ATP1A2: variants seen among roughly 807,000 people sequenced by gnomAD.
The protein encoded by ATP1A2 is sodium/potassium-transporting ATPase subunit alpha-2.
In ATP1A2, 56 loss-of-function variants were observed where a neutral mutation model predicts 113.1. The ratio of observed to expected loss-of-function variants is 0.49; its 90% CI spans 0.40 to 0.62. The LOEUF is 0.62. Ranked by LOEUF, ATP1A2 falls within the 20% of genes least tolerant of loss-of-function variation. ATP1A2 has a pLI of 0.00. For synonymous variants in ATP1A2, 490 were observed against 526.8 expected (o/e 0.93, Z 0.96); for missense variants, 712 against 1,357.8 (o/e 0.52, Z 7.47).
chr1:160,131,566 G>A (rs957974932), intron 13 of ATP1A2, among the ~76,000 whole-genome samples: 3 of 152,186 alleles, frequency 2.0e-5, no homozygotes, highest in East Asian at 1.9e-4. Context: ...GCTCATGCCT[G>A]TAATCCCAGC....
chr1:160,121,167 A>C (rs775901594), intron 2 of ATP1A2, 25 bp from the exon 3 acceptor site: 3 of 1,613,874 alleles, frequency 1.9e-6, no homozygotes, highest in Non-Finnish European at 2.5e-6. Context: ...CTCCTCCCCA[A>C]AGTAACTCAC....
chr1:160,130,383 A>C, intron 12 of ATP1A2, 39 bp from the exon 13 acceptor site: 1 of 1,614,016 alleles, frequency 6.2e-7, no homozygotes. Context: ...CCAGGAAGCC[A>C]CTCTGCGGAT....
At chr1:160,136,816 G>C (rs1651968486) in intron 19 of ATP1A2, 85 bp from the exon 20 acceptor site, 8 of 1,614,100 alleles carry the variant, frequency 5.0e-6, no homozygotes, top group East Asian at 2.2e-5. Context: ...CTGGGGCTAG[G>C]GGTGGATCAG....
Position 160,127,568 on chromosome 1 carries a change from T to C in ATP1A2, c.765T>C (p.Ile255=), listed in dbSNP as rs377281050. The C allele has an allele frequency of 6.2e-7, 1 of 1,614,196 alleles. No individual in the cohort carries two copies. Among genetic ancestry groups the C allele is most frequent in the South Asian group, 1.1e-5 (1 of 91,084 alleles). Residue 255 remains isoleucine, a synonymous_variant, in exon 8 of 23, where the codon ATT becomes ATC. Transcript: ENST00000361216. ...ATGTTGCAGGCACTGCCAGGGGCATTGTGATTGCCACAGGAGACCGGACGG... is the reference window on the plus strand; with the variant it reads ...ATGTTGCAGGCACTGCCAGGGGCATCGTGATTGCCACAGGAGACCGGACGG... The part of the protein sequence containing the change: ...TNCVEGTARG[I]VIATGDRTVM...
intron 13 of ATP1A2, among the ~76,000 whole-genome samples, chr1:160,131,066 T>C (rs1651755774): frequency 6.6e-6 from 1 of 152,102 alleles, no homozygotes; most frequent in Admixed American, 6.5e-5. Flanking sequence ...CACTGACCAC[T>C]CCCTCCTCTG....
intron 6 of ATP1A2, 56 bp downstream of exon 6, chr1:160,124,486 A>C: frequency 6.4e-7 from 1 of 1,564,860 alleles, no homozygotes; most frequent in Non-Finnish European, 8.7e-7. Flanking sequence ...CTGTGTGCAG[A>C]GCTGAGAGGG....
At position 160,135,576 on chromosome 1, in the gene ATP1A2, C is replaced by T; in HGVS notation, c.2258C>T (p.Ala753Val). ...ATGATCCTGCTGGATGACAACTTTG[C>T]CTCCATCGTCACGGGGGTGGAGGAG... Reference protein sequence around the residue: ...ADMILLDDNFASIVTGVEEGR... With the variant: ...ADMILLDDNFVSIVTGVEEGR... Residue 753 changes from alanine (A) to valine (V), a missense_variant, in exon 16 of 23, where the codon GCC becomes GTC. Ala to Val is a moderately conservative substitution (Grantham distance 64). Around this residue, in one of 6 missense-constraint regions of ATP1A2, gnomAD observed 188 missense variants for 438.9 expected, o/e 0.43. Transcript: ENST00000361216. This position sits in a 1 kb window ranked among gnomAD's most constrained non-coding sequence, Gnocchi z 6.3. 6.2e-7 allele frequency: 1 copy of T among 1,614,118 alleles called. No individual in the cohort carries two copies.
intron 1 of ATP1A2, among the ~76,000 whole-genome samples, 172 bp downstream of exon 1, chr1:160,116,045 G>A (rs529270787): frequency 3.9e-5 from 6 of 152,154 alleles, no homozygotes; most frequent in African/African-American, 7.2e-5. Flanking sequence ...ATCCCACGGC[G>A]GTCACATACC....
chr1:160,124,438 G>T lies in ATP1A2; in HGVS notation c.630+8G>T. On this transcript the variant is annotated splice_region_variant and intron_variant, in intron 6 of 22. Coordinates refer to ENST00000361216, the MANE Select transcript of ATP1A2 (RefSeq NM_000702.4). ...TCTTCTCATGGCTGTAAGGTGAGGAGGTCATACCAGAGCAAGCAGTTGAGT... is the reference window on the plus strand; with the variant it reads ...TCTTCTCATGGCTGTAAGGTGAGGATGTCATACCAGAGCAAGCAGTTGAGT... The T allele has an allele frequency of 6.2e-7, 1 of 1,601,812 alleles. No individual in the cohort carries two copies. Among genetic ancestry groups the T allele is most frequent in the South Asian group, 1.1e-5 (1 of 89,038 alleles).
rs776739071 is a variant in ATP1A2 at position 160,123,437 on chromosome 1, C to T, written c.381+21C>T. ...ACAATGTGAGCCCACACGCCCGACC[C>T]GGGAACAGCCCGTGACTGTCCTCCA... On this transcript the variant is annotated intron_variant, in intron 4 of 22. Transcript: ENST00000361216. 5 of 1,613,988 alleles carry T rather than the reference C, an allele frequency of 3.1e-6. No homozygotes were observed. The East Asian group carries it at 6.7e-5, about 22-fold the overall frequency.
In ATP1A2 at chr1:160,135,938, T is replaced by A; in HGVS notation, c.2384T>A (p.Ile795Asn). ...TPFLLFIIAN[I>N]PLPLGTVTIL... is the part of the protein sequence containing the mutation. Reference sequence around the variant, plus strand: ...TTCCTGCTGTTCATCATTGCCAACATCCCCCTACCTCTGGGCACTGTGACC... The same window carrying A: ...TTCCTGCTGTTCATCATTGCCAACAACCCCCTACCTCTGGGCACTGTGACC... The change falls in exon 17 of 23, where the codon ATC becomes AAC. Residue 795 changes from isoleucine to asparagine, a missense_variant. Coordinates refer to ENST00000361216, the MANE Select transcript of ATP1A2 (RefSeq NM_000702.4). This position sits in a 1 kb window ranked among gnomAD's most constrained non-coding sequence, Gnocchi z 6.3. The A allele has an allele frequency of 6.2e-7, 1 of 1,613,748 alleles. No homozygotes were observed. Among genetic ancestry groups the A allele is most frequent in the Non-Finnish European group, 8.5e-7 (1 of 1,179,924 alleles).
intron 13 of ATP1A2, 50 bp from the exon 14 acceptor site, chr1:160,134,434 G>A (rs755114648): frequency 1.2e-6 from 2 of 1,613,604 alleles, no homozygotes; most frequent in Middle Eastern, 1.7e-4. Flanking sequence ...AACAGGAGGG[G>A]GATAAACCCT....
chr1:160,139,604 C>G, intron 20 of ATP1A2, 36 bp from the exon 21 acceptor site: 1 of 1,589,750 alleles, frequency 6.3e-7, no homozygotes, highest in South Asian at 1.1e-5. Context: ...CTCCATGATC[C>G]CCCTTCACCT....
At chr1:160,132,209 G>A (rs938174180) in intron 13 of ATP1A2, among the ~76,000 whole-genome samples, 6 of 152,204 alleles carry the variant, frequency 3.9e-5, no homozygotes, top group Non-Finnish European at 7.3e-5. Flanking sequence ...ACTGTACGGA[G>A]CGTGTGTAGG....
intron 22 of ATP1A2, 42 bp downstream of exon 22, chr1:160,140,026 C>T (rs1186290249): frequency 1.9e-6 from 3 of 1,584,146 alleles, no homozygotes; most frequent in African/African-American, 1.3e-5. Context: ...GCAAGCCCCA[C>T]CACCAGCTCC....
At chr1:160,119,125 A>C (rs972291124) in intron 1 of ATP1A2, among the ~76,000 whole-genome samples, 1 of 151,868 alleles carries the variant, frequency 6.6e-6, no homozygotes, top group Admixed American at 6.6e-5. Flanking sequence ...GAGGCTGTGC[A>C]TGTGTGGGGG....
At chr1:160,130,374 C>T (rs751228831) in intron 12 of ATP1A2, 48 bp from the exon 13 acceptor site, 1 of 1,613,988 alleles carries the variant, frequency 6.2e-7, no homozygotes, top group African/African-American at 1.3e-5. Context: ...TGGGGGCGTC[C>T]AGGAAGCCAC....
In ATP1A2 at chr1:160,127,625, C is replaced by T. The variant is rs765223838; in HGVS notation, c.822C>T (p.Gly274=). 1 of 1,614,256 alleles carries T rather than the reference C, an allele frequency of 6.2e-7. No individual in the cohort carries two copies. Among genetic ancestry groups the T allele is most frequent in the East Asian group, 2.2e-5 (1 of 44,890 alleles). ...VMGRIATLAS[G]LEVGRTPIAM... ...GCCGCATAGCTACTCTCGCCTCAGG[C>T]CTGGAGGTTGGGCGGACACCCATAG... The change falls in exon 8 of 23, where the codon GGC becomes GGT. Residue 274 remains glycine (G), a synonymous_variant. Transcript: ENST00000361216.
At chr1:160,140,067 C>G (rs1210375130) in intron 22 of ATP1A2, 83 bp downstream of exon 22, 5 of 1,357,180 alleles carry the variant, frequency 3.7e-6, no homozygotes, top group Non-Finnish European at 5.2e-6. Flanking sequence ...GACTCCACTC[C>G]CACTACTGGT....
Sources: gnomAD v4.1 joint callset for allele counts (sites outside exome capture counted in the v4.1 genomes callset) on GRCh38, gnomAD v4.1.1 for gene constraint, gnomAD v4.1.1 regional missense constraint, Gnocchi (gnomAD v3.1) non-coding constraint, MANE v1.5 for transcripts, NCBI Gene and HGNC (gene_info 2026-07-23, HGNC 2026-07-21) for gene names.